SPATS2L: variants seen among roughly 807,000 people sequenced by gnomAD.
SPATS2L encodes SPATS2-like protein.
In SPATS2L, 30 loss-of-function variants were observed where a neutral mutation model predicts 59.6. That is an observed-to-expected ratio of 0.50 (90% CI 0.38 to 0.68). The LOEUF (loss-of-function observed/expected upper bound fraction) is 0.68, where lower values mean the gene tolerates loss of function less well. SPATS2L is among the 30% of genes least tolerant of loss of function. SPATS2L has a pLI of 0.00. For missense variants in SPATS2L, 615 were observed against 700.0 expected (o/e 0.88, Z 1.37); for synonymous variants, 252 against 263.5 (o/e 0.96, Z 0.42).
At chr2:200,323,958 C>T (rs1248799727) in intron 1 of SPATS2L, among the ~76,000 whole-genome samples, 1 of 152,188 alleles carries the variant, frequency 6.6e-6, no homozygotes, top group Non-Finnish European at 1.5e-5. Flanking sequence ...CACTGGGTAG[C>T]ATCCGTGCAG....
intron 11 of SPATS2L, among the ~76,000 whole-genome samples, chr2:200,471,103 T>C (rs1175605257): frequency 6.6e-6 from 1 of 152,038 alleles, no homozygotes; most frequent in Non-Finnish European, 1.5e-5. Flanking sequence ...GAGGCAGAGA[T>C]TGCAGTCAGT....
intron 2 of SPATS2L, among the ~76,000 whole-genome samples, chr2:200,371,786 A>G (rs1407814796): frequency 6.6e-6 from 1 of 152,224 alleles, no homozygotes; most frequent in East Asian, 1.9e-4. Flanking sequence ...CAACTTGCAG[A>G]TTGTGGGTAC....
At chr2:200,336,371 A>G (rs2105808609) in intron 2 of SPATS2L, among the ~76,000 whole-genome samples, 1 of 152,360 alleles carries the variant, frequency 6.6e-6, no homozygotes, top group East Asian at 1.9e-4. Context: ...TATAAGGTAT[A>G]TAACATATTA....
rs543019390 is a variant in SPATS2L, at chr2:200,336,392, A to G, written c.-23+6912A>G. On this transcript the variant is annotated intron_variant, in intron 2 of 12. Coordinates refer to ENST00000409140, the MANE Select transcript of SPATS2L (RefSeq NM_001100423.2). ...GTATATAACATATTAATACAATAAT[A>G]CATGTATATGAATTTAAAAAAAAAG... 8.5e-5 allele frequency among the ~76,000 whole-genome samples: 13 copies of G among 152,334 alleles called. No homozygotes were observed. The East Asian group carries it at 2.3e-3, about 27-fold the overall frequency.
At chr2:200,476,873 C>T (rs1413577673) in intron 12 of SPATS2L, among the ~76,000 whole-genome samples, 5 of 152,252 alleles carry the variant, frequency 3.3e-5, no homozygotes, top group Middle Eastern at 3.4e-3. Context: ...ATAGTAAACG[C>T]GGGGGATTTT....
chr2:200,307,069 G>T, intron 1 of SPATS2L, 147 bp downstream of exon 1: 1 of 630,054 alleles, frequency 1.6e-6, no homozygotes, highest in Non-Finnish European at 2.0e-6. Context: ...CTCCCGGAGC[G>T]CTGGGTGTGG....
intron 1 of SPATS2L, among the ~76,000 whole-genome samples, chr2:200,312,515 A>T (rs1273194895): frequency 6.6e-6 from 1 of 152,260 alleles, no homozygotes; most frequent in African/African-American, 2.4e-5. Flanking sequence ...TTCAGGAGGT[A>T]ATAGGCCCCC....
At chr2:200,418,251 T>A (rs771674221) in intron 5 of SPATS2L, among the ~76,000 whole-genome samples, 2 of 152,158 alleles carry the variant, frequency 1.3e-5, no homozygotes, top group African/African-American at 4.8e-5. Context: ...TGGCATTACC[T>A]TGAAGCTGTT....
At chr2:200,444,188 A>G (rs2084883392) in intron 8 of SPATS2L, among the ~76,000 whole-genome samples, 1 of 152,200 alleles carries the variant, frequency 6.6e-6, no homozygotes. Flanking sequence ...GAAAATATTC[A>G]TCCTTTGGAA....
At chr2:200,339,300 G>A (rs2080245599) in intron 2 of SPATS2L, among the ~76,000 whole-genome samples, 1 of 151,268 alleles carries the variant, frequency 6.6e-6, no homozygotes, top group Non-Finnish European at 1.5e-5. Flanking sequence ...TTTATTCCAC[G>A]ATTCTTTATA....
chr2:200,419,455 C>T lies in SPATS2L; in HGVS notation c.404C>T (p.Ser135Leu), dbSNP rs529858321. ...PALIPREKKI[S>L]ILEEPSKALR... ...CTTATCCCTCGTGAGAAAAAGATCT[C>T]GATACTTGAGGAACCTTCAAAGGCA... The change falls in exon 6 of 13, where the codon TCG becomes TTG. Residue 135 changes from serine (S) to leucine (L), a missense_variant. Around this residue, in one of 3 missense-constraint regions of SPATS2L, gnomAD observed 227 missense variants for 257.4 expected, o/e 0.88. Transcript: ENST00000409140. The T allele has an allele frequency of 3.1e-6, 5 of 1,613,826 alleles. No homozygotes were observed. In the South Asian group the frequency reaches 3.3e-5, roughly 11 times the overall value.
At chr2:200,470,472 G>C (rs1004632123) in intron 11 of SPATS2L, among the ~76,000 whole-genome samples, 1 of 152,188 alleles carries the variant, frequency 6.6e-6, no homozygotes, top group African/African-American at 2.4e-5. Flanking sequence ...TCTGTGCTGA[G>C]TGAGGCTGCA....
chr2:200,358,388 T>C (rs558009512), intron 2 of SPATS2L, among the ~76,000 whole-genome samples: 2 of 152,380 alleles, frequency 1.3e-5, no homozygotes, highest in East Asian at 1.9e-4. Context: ...CGCTATTCCA[T>C]GTCTTTTAGT....
intron 2 of SPATS2L, among the ~76,000 whole-genome samples, chr2:200,351,629 T>G (rs1274605728): frequency 6.6e-6 from 1 of 152,204 alleles, no homozygotes; most frequent in African/African-American, 2.4e-5. Context: ...GATGACTGAT[T>G]TACATAGCCT....
rs967556896 is a variant in SPATS2L, at chr2:200,479,923, G to A, written c.*1892G>A. ...TTCTTAACGTTAAGTCACATTCCAG[G>A]AAGGAAGGAAGAGTTGTTCGTTCAA... On this transcript the variant is annotated 3_prime_UTR_variant, in exon 13 of 13. Coordinates refer to ENST00000409140, the MANE Select transcript of SPATS2L (RefSeq NM_001100423.2). 3 of 395,350 alleles carry A rather than the reference G, an allele frequency of 7.6e-6. No individual in the cohort carries two copies. The highest frequency in any genetic ancestry group is 6.2e-5 in the African/African-American group (3 of 48,556). The allele number at this position is 395,350 out of a possible 1,614,324, so 24.5% of individuals were successfully genotyped here.
At chr2:200,462,603 G>A (rs1157192602) in intron 9 of SPATS2L, among the ~76,000 whole-genome samples, 1 of 152,142 alleles carries the variant, frequency 6.6e-6, no homozygotes, top group Non-Finnish European at 1.5e-5. Flanking sequence ...CCTGAACCAT[G>A]TTGTTGACTT....
chr2:200,457,223 T>TACAC lies in SPATS2L; in HGVS notation c.789-2512_789-2509dup, dbSNP rs4035249. Reference sequence around the variant, plus strand: ...AGGTTGTAAATAATGAAAACATACATACACACACACACACACACACACACA... The same window carrying TACAC: ...AGGTTGTAAATAATGAAAACATACATACACACACACACACACACACACACACACA... On this transcript the variant is annotated intron_variant, in intron 8 of 12. Transcript: ENST00000409140. 5.6e-3 allele frequency among the ~76,000 whole-genome samples: 836 copies of TACAC among 148,104 alleles called. 8 individuals are homozygous for TACAC. The highest frequency in any genetic ancestry group is 0.025 in the East Asian group (127 of 4,982).
intron 8 of SPATS2L, among the ~76,000 whole-genome samples, chr2:200,458,707 T>C (rs898965672): frequency 5.3e-5 from 8 of 150,950 alleles, no homozygotes; most frequent in Non-Finnish European, 7.4e-5. Flanking sequence ...ACAGGGCTTG[T>C]TTAGATCCTG....
intron 2 of SPATS2L, among the ~76,000 whole-genome samples, chr2:200,362,234 A>C (rs528673248): frequency 6.6e-6 from 1 of 152,274 alleles, no homozygotes; most frequent in South Asian, 2.1e-4. Context: ...GACAACAGAG[A>C]CAGACCTTGT....
Sources: allele counts gnomAD v4.1 joint callset (sites outside exome capture counted in the v4.1 genomes callset), GRCh38; gene constraint gnomAD v4.1.1; regional missense constraint gnomAD v4.1.1; transcripts MANE v1.5; gene names NCBI Gene and HGNC (gene_info 2026-07-23, HGNC 2026-07-21).